CEP78: variants seen among roughly 807,000 people sequenced by gnomAD.
CEP78 encodes the protein centrosomal protein of 78 kDa.
CEP78 carries 76 observed loss-of-function variants against 81.2 expected under a neutral mutation model. The ratio of observed to expected loss-of-function variants is 0.94; its 90% CI spans 0.78 to 1.13. The LOEUF (loss-of-function observed/expected upper bound fraction) is 1.13. CEP78 is among the 50% of genes most tolerant of loss of function. The pLI is 0.00. For missense variants in CEP78, 918 were observed against 846.8 expected, an observed-to-expected ratio of 1.08 and a Z score of -1.04; for synonymous variants, 293 against 301.4, an observed-to-expected ratio of 0.97 and a Z score of 0.29.
intron 4 of CEP78, 105 bp from the exon 5 acceptor site, chr9:78,243,357 T>A (rs1307619945): frequency 9.0e-6 from 8 of 884,318 alleles, no homozygotes; most frequent in Non-Finnish European, 1.4e-5. Flanking sequence ...CATATGTACC[T>A]GGTGTGTGTG....
intron 13 of CEP78, 28 bp from the exon 14 acceptor site, chr9:78,265,344 C>T (rs942953072): frequency 2.6e-6 from 4 of 1,547,782 alleles, no homozygotes; most frequent in Non-Finnish European, 3.5e-6. Context: ...TAATCCTTGC[C>T]TTTTCCTCCT....
Position 78,241,746 on chromosome 9 carries a change from A to C in CEP78, c.550A>C (p.Thr184Pro). 6.2e-7 allele frequency: 1 copy of C among 1,611,206 alleles called. No homozygotes were observed. The highest frequency in any genetic ancestry group is 1.1e-5 in the South Asian group (1 of 90,906). ...SSITLKTVNF[T>P]GCNLTWQGAD... ...TATCACTCTTAAGACAGTCAACTTC[A>C]CAGGATGTAATCTGACATGGCAGGG... is the stretch of plus-strand genomic sequence containing the variant. The change falls in exon 4 of 17, where the codon ACA (threonine) becomes CCA (proline). Residue 184 changes from threonine to proline, a missense_variant. Physicochemically the swap from Thr to Pro is conservative, Grantham distance 38. Transcript: ENST00000643273.
rs1827827381 is a variant in CEP78, at chr9:78,277,436, T to C, written c.*6585T>C. 6.6e-6 allele frequency: 1 copy of C among 151,980 alleles called. No homozygotes were observed. Among genetic ancestry groups the C allele is most frequent in the Non-Finnish European group, 1.5e-5 (1 of 67,962 alleles). 9.4% of individuals were successfully genotyped at this position (151,980 alleles called of 1,614,324 possible). ...AAAGAGCACCTACAAACAACAAAAATTGGACAAAGGCTATAAAAATATTTT... is the reference window on the plus strand; with the variant it reads ...AAAGAGCACCTACAAACAACAAAAACTGGACAAAGGCTATAAAAATATTTT... On this transcript the variant is annotated 3_prime_UTR_variant, in exon 17 of 17. Coordinates refer to ENST00000643273, the MANE Select transcript of CEP78 (RefSeq NM_001330691.3).
chr9:78,267,545 G>C (rs995712653), intron 16 of CEP78, among the ~76,000 whole-genome samples: 2 of 152,150 alleles, frequency 1.3e-5, no homozygotes, highest in Non-Finnish European at 2.9e-5. Flanking sequence ...TATAGATGAG[G>C]TGTCTAAGGA....
chr9:78,250,509 C>T (rs1009827318), intron 8 of CEP78: 19 of 246,272 alleles, frequency 7.7e-5, no homozygotes, highest in Admixed American at 7.2e-4. Context: ...GAGGCCGAGG[C>T]GGGTGGATTG....
chr9:78,259,703 A>G lies in CEP78; in HGVS notation c.1381-3204A>G, dbSNP rs560544527. Among the ~76,000 whole-genome samples the G allele has an allele frequency of 7.2e-5, 11 of 152,296 alleles. 1 individual carries two copies. In the South Asian group the frequency reaches 2.1e-3, roughly 29 times the overall value. ...CCCTATGATACATGAATTTATCTCC[A>G]TTTTATAGATGAGGAAATTAAGACC... On this transcript the variant is annotated intron_variant, in intron 11 of 16. Coordinates refer to ENST00000643273, the MANE Select transcript of CEP78 (RefSeq NM_001330691.3).
intron 11 of CEP78, among the ~76,000 whole-genome samples, chr9:78,256,380 A>G (rs1352765459): frequency 3.9e-5 from 6 of 152,246 alleles, no homozygotes; most frequent in Non-Finnish European, 7.4e-5. Flanking sequence ...AAAAACAGTA[A>G]AGTAACTGGG....
At chr9:78,249,234 A>G (rs114322734) in intron 8 of CEP78, 1 of 81,726 alleles carries the variant, frequency 1.2e-5, no homozygotes, top group Admixed American at 1.5e-4. Context: ...TTTGTTGTTA[A>G]TGAAGAATTA....
chr9:78,267,119 T>A, intron 16 of CEP78: 1 of 975,986 alleles, frequency 1.0e-6, no homozygotes, highest in South Asian at 1.4e-5. Flanking sequence ...TAAAGGAAGA[T>A]TTCTCTATAC....
rs943036360 is a variant in CEP78, at chr9:78,279,519, A to G, written c.*8668A>G. 3 of 152,232 alleles carry G rather than the reference A, an allele frequency of 2.0e-5. No homozygotes were observed. The highest frequency in any genetic ancestry group is 7.2e-5 in the African/African-American group (3 of 41,466). 9.4% of individuals were successfully genotyped at this position (152,232 alleles called of 1,614,324 possible). ...GAAGAAGGAATGAGGCCTGAGAGGT[A>G]TTGATTCACTTGGTTGAGGGCTTCA... On this transcript the variant is annotated 3_prime_UTR_variant, in exon 17 of 17. Coordinates refer to ENST00000643273, the MANE Select transcript of CEP78 (RefSeq NM_001330691.3).
At chr9:78,246,164 A>G (rs974963561) in intron 5 of CEP78, among the ~76,000 whole-genome samples, 1 of 152,078 alleles carries the variant, frequency 6.6e-6, no homozygotes, top group Non-Finnish European at 1.5e-5. Flanking sequence ...ATCTATGAAG[A>G]GGGTTTCTTT....
At chr9:78,263,786 A>C (rs1051361635) in intron 12 of CEP78, among the ~76,000 whole-genome samples, 19 of 152,190 alleles carry the variant, frequency 1.2e-4, no homozygotes. Context: ...TTTTACTGGC[A>C]AAAATTAGTC....
chr9:78,248,965 A>C, intron 8 of CEP78, 92 bp downstream of exon 8: 1 of 566,024 alleles, frequency 1.8e-6, no homozygotes. Context: ...TGACAGTAAC[A>C]ACCAATATTG....
chr9:78,254,522 T>C (rs78430742), intron 10 of CEP78: 3,168 of 156,590 alleles, frequency 0.02, 38 homozygotes, highest in African/African-American at 0.033. Flanking sequence ...CCTGCCTCCT[T>C]GCTTGGTTTA....
intron 13 of CEP78, among the ~76,000 whole-genome samples, chr9:78,265,051 G>C (rs1383267947): frequency 6.6e-6 from 1 of 151,806 alleles, no homozygotes; most frequent in East Asian, 1.9e-4. Context: ...AGAGGCAGTA[G>C]GTGTGTGGTA....
chr9:78,265,354 T>C lies in CEP78; in HGVS notation c.1626-18T>C. The C allele has an allele frequency of 6.4e-7, 1 of 1,562,478 alleles. No individual in the cohort carries two copies. The highest frequency in any genetic ancestry group is 8.6e-7 in the Non-Finnish European group (1 of 1,159,196). ...TCTAGTAATCCTTGCCTTTTCCTCC[T>C]TTTCTTCTCTCGACCAGGCTTGGGC... On this transcript the variant is annotated intron_variant, in intron 13 of 16. Transcript: ENST00000643273.
intron 12 of CEP78, among the ~76,000 whole-genome samples, chr9:78,263,504 T>G (rs759035163): frequency 3.3e-5 from 5 of 152,144 alleles, no homozygotes; most frequent in South Asian, 2.1e-4. Flanking sequence ...AAAGCAAGTT[T>G]AAGGAGGAAT....
chr9:78,241,131 A>G (rs1826209113), intron 3 of CEP78, among the ~76,000 whole-genome samples: 1 of 152,194 alleles, frequency 6.6e-6, no homozygotes, highest in South Asian at 2.1e-4. Context: ...AAATAGTCAC[A>G]GAAGGTGACT....
intron 3 of CEP78, 105 bp downstream of exon 3, chr9:78,240,469 T>TA: frequency 1.1e-6 from 1 of 948,516 alleles, no homozygotes; most frequent in Non-Finnish European, 1.7e-6. Context: ...TACTGCCTCA[T>TA]ATGCTTGTTC....
Sources: gnomAD v4.1 joint callset for allele counts (sites outside exome capture counted in the v4.1 genomes callset) on GRCh38, gnomAD v4.1.1 for gene constraint, MANE v1.5 for transcripts, NCBI Gene and HGNC (gene_info 2026-07-23, HGNC 2026-07-21) for gene names.